TENM3: variants seen among roughly 807,000 people sequenced by gnomAD.
TENM3 encodes the protein teneurin transmembrane protein 3.
TENM3 carries 63 observed loss-of-function variants against 255.1 expected under a neutral mutation model. That is an observed-to-expected ratio of 0.25 (90% CI 0.20 to 0.30). TENM3 has a LOEUF of 0.30. Among genes scored for constraint, TENM3 ranks in the 10% least tolerant of loss-of-function variants. The pLI is 1.00. For synonymous variants in TENM3, 1,306 were observed against 1,322.3 expected (o/e 0.99, Z 0.27); for missense variants, 2,929 against 3,461.1 (o/e 0.85, Z 3.86).
At chr4:181,909,146 A>G in the TENM3 span, among the ~76,000 whole-genome samples, 40 of 152,282 alleles carry the variant, frequency 2.6e-4, no homozygotes, top group African/African-American at 7.9e-4. Flanking sequence ...TGTTTTGCCT[A>G]CACACCTTAT....
intron 3 of TENM3, among the ~76,000 whole-genome samples, chr4:182,355,741 A>T (rs2150735223): frequency 6.6e-6 from 1 of 152,268 alleles, no homozygotes; most frequent in South Asian, 2.1e-4. Flanking sequence ...AAACATTTAA[A>T]GAGACTGTCT....
chr4:182,642,615 G>A (rs1272672705), intron 5 of TENM3, among the ~76,000 whole-genome samples: 2 of 152,112 alleles, frequency 1.3e-5, no homozygotes, highest in African/African-American at 4.8e-5. Context: ...GCCAAGAAAG[G>A]ATGGAAAGGA....
the TENM3 span, among the ~76,000 whole-genome samples, chr4:182,135,305 G>A: frequency 6.8e-6 from 1 of 148,072 alleles, no homozygotes; most frequent in African/African-American, 2.5e-5. Flanking sequence ...ATCTTTCTTT[G>A]TCTCACTTGG....
intron 1 of TENM3, among the ~76,000 whole-genome samples, chr4:182,255,971 T>C (rs1252365383): frequency 6.6e-6 from 1 of 152,214 alleles, no homozygotes; most frequent in Non-Finnish European, 1.5e-5. Flanking sequence ...CGTTCTGTTA[T>C]TCAACTTGCT....
At chr4:181,980,507 A>T in the TENM3 span, 1 of 152,202 alleles carries the variant, frequency 6.6e-6, no homozygotes, top group South Asian at 2.1e-4. Context: ...AATTCCATAT[A>T]TTCAACCTAA....
chr4:181,691,074 A>C, the TENM3 span, among the ~76,000 whole-genome samples: 1 of 152,192 alleles, frequency 6.6e-6, no homozygotes, highest in Admixed American at 6.5e-5. Flanking sequence ...GTAAGAAAAC[A>C]TTAAAAATCA....
At chr4:181,996,101 A>G in the TENM3 span, among the ~76,000 whole-genome samples, 1 of 151,088 alleles carries the variant, frequency 6.6e-6, no homozygotes, top group Non-Finnish European at 1.5e-5. Flanking sequence ...CTTGACCGCT[A>G]TTGATCAAGC....
chr4:182,109,898 C>T, the TENM3 span, among the ~76,000 whole-genome samples: 2 of 152,130 alleles, frequency 1.3e-5, no homozygotes, highest in Non-Finnish European at 2.9e-5. Flanking sequence ...AGCCTACCAC[C>T]TCTTTTTGTA....
chr4:182,414,017 A>G (rs1770194102), intron 3 of TENM3, among the ~76,000 whole-genome samples: 1 of 152,254 alleles, frequency 6.6e-6, no homozygotes, highest in Admixed American at 6.5e-5. Flanking sequence ...GTATAGTGAG[A>G]CAATCATAGT....
intron 5 of TENM3, among the ~76,000 whole-genome samples, chr4:182,650,838 C>T (rs1363050755): frequency 6.8e-6 from 1 of 147,192 alleles, no homozygotes; most frequent in Non-Finnish European, 1.5e-5. Context: ...TATATAGCAT[C>T]TTCAGTAGAA....
the TENM3 span, among the ~76,000 whole-genome samples, chr4:181,816,751 G>C: frequency 1.3e-5 from 2 of 152,174 alleles, no homozygotes; most frequent in Admixed American, 6.5e-5. Flanking sequence ...AGGCCAAGAA[G>C]TCTTGTAGAT....
At chr4:182,258,146 C>T (rs1174127889) in intron 1 of TENM3, among the ~76,000 whole-genome samples, 1 of 151,792 alleles carries the variant, frequency 6.6e-6, no homozygotes, top group African/African-American at 2.4e-5. Context: ...ATAGCATATA[C>T]TTCCAGTCCT....
the TENM3 span, among the ~76,000 whole-genome samples, chr4:182,109,168 T>A: frequency 6.7e-6 from 1 of 148,590 alleles, no homozygotes; most frequent in Admixed American, 6.7e-5. Context: ...TGTATAATTA[T>A]ATATTTATAT....
At chr4:182,728,343 G>A (rs1760395401) in intron 13 of TENM3, among the ~76,000 whole-genome samples, 2 of 152,258 alleles carry the variant, frequency 1.3e-5, no homozygotes, top group South Asian at 4.2e-4. Context: ...TAGAATATTT[G>A]AGTAGCTTTA....
the TENM3 span, among the ~76,000 whole-genome samples, chr4:181,923,934 G>A: frequency 6.6e-6 from 1 of 152,148 alleles, no homozygotes; most frequent in Non-Finnish European, 1.5e-5. Flanking sequence ...TATATTAACT[G>A]TACATTCATT....
At chr4:182,171,068 T>C (rs1031977546) in intron 1 of TENM3, among the ~76,000 whole-genome samples, 6 of 152,222 alleles carry the variant, frequency 3.9e-5, no homozygotes, top group African/African-American at 1.4e-4. Flanking sequence ...ATTTGAAAAA[T>C]ACCTTTAATT....
At chr4:182,758,214 A>G (rs919012663) in intron 22 of TENM3, among the ~76,000 whole-genome samples, 11 of 151,952 alleles carry the variant, frequency 7.2e-5, no homozygotes, top group Non-Finnish European at 1.6e-4. Context: ...TCGTGTCAGA[A>G]TGACAAATGA....
chr4:182,299,016 A>AAAAAGAGGTAAT lies in TENM3; in HGVS notation c.-75-24930_-75-24929insAAAAGAGGTAAT, dbSNP rs1554045594. 6.6e-4 allele frequency among the ~76,000 whole-genome samples: 68 copies of AAAAAGAGGTAAT among 102,302 alleles called. 1 individual carries two copies. The highest frequency in any genetic ancestry group is 8.2e-4 in the Non-Finnish European group (44 of 53,460). The allele number at this position is 102,302 out of a possible 152,430, so 67.1% of individuals were successfully genotyped here. On this transcript the variant is annotated intron_variant, in intron 1 of 27. Transcript: ENST00000511685. ...AAAAAAAAAAAAAAAAAAAAAAAAA[A>AAAAAGAGGTAAT]GAGGTAATGGACTGGCCACTGCAGA... is the stretch of plus-strand genomic sequence containing the variant.
chr4:182,539,080 G>T (rs1168650348), intron 3 of TENM3, among the ~76,000 whole-genome samples: 4 of 151,336 alleles, frequency 2.6e-5, no homozygotes, highest in Admixed American at 1.3e-4. Flanking sequence ...GATTGCTTAA[G>T]AAAAAAAGCA....
Sources: gnomAD v4.1 joint callset for allele counts (sites outside exome capture counted in the v4.1 genomes callset) on GRCh38, gnomAD v4.1.1 for gene constraint, MANE v1.5 for transcripts, NCBI Gene and HGNC (gene_info 2026-07-23, HGNC 2026-07-21) for gene names.